The following LARP4B variants were observed in gnomAD, a reference collection of about 807,000 sequenced individuals.
LARP4B encodes the protein la-related protein 4B.
A neutral mutation model predicts 89.8 loss-of-function variants in LARP4B; 12 were observed. The observed-to-expected ratio is 0.13, with a 90% CI of 0.09 to 0.22. The LOEUF is 0.22. Among genes scored for constraint, LARP4B ranks in the 10% least tolerant of loss-of-function variants. The pLI is 1.00. For missense variants in LARP4B, 757 were observed against 947.7 expected (o/e 0.80, Z 2.64); for synonymous variants, 367 against 363.3 (o/e 1.01, Z -0.12).
rs140243543 is a variant in LARP4B at position 869,904 on chromosome 10, A to AAAT, written c.142-5637_142-5635dup. On this transcript the variant is annotated intron_variant, in intron 3 of 17. Transcript: ENST00000316157. ...AAAGTGAGACTCTGTCTCAAAAAAT[A>AAAT]AATAATAATAATAATAATAATAATA... 1,357 of 157,126 alleles carry AAAT rather than the reference A, an allele frequency of 8.6e-3. 9 individuals are homozygous for AAAT. Among genetic ancestry groups the AAAT allele is most frequent in the East Asian group, 0.022 (108 of 4,870 alleles). 9.7% of individuals were successfully genotyped at this position (157,126 alleles called of 1,614,324 possible).
intron 3 of LARP4B, among the ~76,000 whole-genome samples, chr10:881,050 T>G (rs2131915967): frequency 6.6e-6 from 1 of 152,226 alleles, no homozygotes; most frequent in South Asian, 2.1e-4. Flanking sequence ...AGTCCCTGAG[T>G]GGGCTTCAGG....
At chr10:921,239 C>T (rs1164884158) in intron 1 of LARP4B, among the ~76,000 whole-genome samples, 10 of 151,716 alleles carry the variant, frequency 6.6e-5, no homozygotes, top group Non-Finnish European at 7.4e-5. Flanking sequence ...CACCATTGCA[C>T]TCCAGCCTGG....
At chr10:908,410 G>A (rs1291631700) in intron 1 of LARP4B, among the ~76,000 whole-genome samples, 1 of 152,216 alleles carries the variant, frequency 6.6e-6, no homozygotes, top group Admixed American at 6.5e-5. Context: ...TTACTTGTGT[G>A]AGTCTGTCAA....
intron 17 of LARP4B, 67 bp from the exon 18 acceptor site, chr10:813,280 G>T: frequency 1.4e-6 from 2 of 1,448,536 alleles, no homozygotes; most frequent in South Asian, 2.9e-5. Flanking sequence ...AGGAAATCAA[G>T]TTCACTTAAG....
At position 822,370 on chromosome 10, in the gene LARP4B, G is replaced by A. The variant is rs552419093; in HGVS notation, c.1485-1525C>T. Among the ~76,000 whole-genome samples, 5 of 152,200 alleles carry A rather than the reference G, an allele frequency of 3.3e-5. No individual in the cohort carries two copies. The highest frequency in any genetic ancestry group is 4.8e-5 in the African/African-American group (2 of 41,448). On this transcript the variant is annotated intron_variant, in intron 13 of 17. Transcript: ENST00000316157. This position sits in a 1 kb window ranked among gnomAD's most constrained non-coding sequence, Gnocchi z 4.6. ...AGGGCTCGGCACAGGGCATCCCTCC[G>A]CCAAGGGCAGCCTGCTCGTCACTAC...
chr10:811,283 G>A lies in LARP4B; in HGVS notation c.*1643C>T, dbSNP rs1444532478. 1 of 152,548 alleles carries A rather than the reference G, an allele frequency of 6.6e-6. No individual in the cohort carries two copies. The highest frequency in any genetic ancestry group is 1.5e-5 in the Non-Finnish European group (1 of 68,022). The allele number at this position is 152,548 out of a possible 1,614,324, so 9.4% of individuals were successfully genotyped here. A position where few individuals can be genotyped will look rare whatever the true frequency, so the allele number is the denominator to read the frequency against. On this transcript the variant is annotated 3_prime_UTR_variant, in exon 18 of 18. Transcript: ENST00000316157. The stretch of plus-strand genomic sequence containing the variant: ...AACATTTATAATATATCAATAATCT[G>A]TATCAGAATTTTCTCTGTAGGGTAC...
chr10:880,172 G>A (rs942426692), intron 3 of LARP4B, among the ~76,000 whole-genome samples: 6 of 152,098 alleles, frequency 3.9e-5, no homozygotes, highest in African/African-American at 9.7e-5. Flanking sequence ...TGTCACTTGC[G>A]TACAAATACA....
chr10:908,406 G>T (rs1457216672), intron 1 of LARP4B, among the ~76,000 whole-genome samples: 1 of 152,162 alleles, frequency 6.6e-6, no homozygotes, highest in Non-Finnish European at 1.5e-5. Context: ...TTCCTTACTT[G>T]TGTGAGTCTG....
chr10:873,787 T>C (rs1031236519), intron 3 of LARP4B, among the ~76,000 whole-genome samples: 1 of 152,220 alleles, frequency 6.6e-6, no homozygotes, highest in Non-Finnish European at 1.5e-5. Context: ...AATGGAATGA[T>C]GTCAGTTAGA....
At chr10:809,117 C>T (rs900057758), downstream of LARP4B, 1 of 152,204 alleles carries the variant, frequency 6.6e-6, no homozygotes, top group Non-Finnish European at 1.5e-5. Context: ...ACAGGAGGGG[C>T]CCCGCCTCCC....
intron 3 of LARP4B, among the ~76,000 whole-genome samples, chr10:875,444 C>G (rs184331084): frequency 6.6e-6 from 1 of 152,196 alleles, no homozygotes; most frequent in Non-Finnish European, 1.5e-5. Flanking sequence ...CCTCTTCTAT[C>G]TCATACTAAC....
chr10:897,842 G>C (rs1836231479), intron 1 of LARP4B, among the ~76,000 whole-genome samples: 1 of 151,858 alleles, frequency 6.6e-6, no homozygotes, highest in Non-Finnish European at 1.5e-5. Context: ...GCAAAAGTTA[G>C]GCAGGCATGG....
chr10:968,256 A>G, the LARP4B span, among the ~76,000 whole-genome samples: 1 of 152,204 alleles, frequency 6.6e-6, no homozygotes, highest in Non-Finnish European at 1.5e-5. Context: ...CGTTGAGCTG[A>G]TAAAAAGGCT....
At chr10:934,188 T>G (rs1830719550), upstream of LARP4B, among the ~76,000 whole-genome samples, 1 of 152,000 alleles carries the variant, frequency 6.6e-6, no homozygotes, top group African/African-American at 2.4e-5. Context: ...GACATCTATG[T>G]CTTACCTATT....
At position 923,377 on chromosome 10, in the gene LARP4B, T is replaced by A. The variant is rs571831929; in HGVS notation, c.-40+8051A>T. ...GGTCTGAATCCTACCAATTACCGCA[T>A]CTTTTCCTTTGCAAACGTGATTTAC... On this transcript the variant is annotated intron_variant, in intron 1 of 17. Coordinates refer to ENST00000316157, the MANE Select transcript of LARP4B (RefSeq NM_015155.3). 2.5e-4 allele frequency among the ~76,000 whole-genome samples: 38 copies of A among 152,218 alleles called. 1 individual carries two copies. The South Asian group carries it at 7.9e-3, about 32-fold the overall frequency.
At chr10:937,538 C>T in the LARP4B span, among the ~76,000 whole-genome samples, 1 of 152,098 alleles carries the variant, frequency 6.6e-6, no homozygotes, top group Non-Finnish European at 1.5e-5. Context: ...TGTTAGACCC[C>T]ATCTGAATCA....
At chr10:923,923 G>A (rs1837060610) in intron 1 of LARP4B, among the ~76,000 whole-genome samples, 1 of 152,136 alleles carries the variant, frequency 6.6e-6, no homozygotes, top group South Asian at 2.1e-4. Context: ...GCAAATATTA[G>A]CAAATTTAAG....
chr10:821,039 A>G (rs2131619248), intron 13 of LARP4B, 194 bp from the exon 14 acceptor site: 1 of 585,782 alleles, frequency 1.7e-6, no homozygotes, highest in East Asian at 2.9e-5. Context: ...GTTGACAGCA[A>G]GGGACTAACG....
Position 863,946 on chromosome 10 carries a change from G to A in LARP4B, c.290-63C>T. ...AAGCATAACTTTCTCTTAAAACAAA[G>A]CTTACACTTGCAGTGACTCAACTTC... On this transcript the variant is annotated intron_variant, in intron 4 of 17. Coordinates refer to ENST00000316157, the MANE Select transcript of LARP4B (RefSeq NM_015155.3). 4 of 1,573,324 alleles carry A rather than the reference G, an allele frequency of 2.5e-6. 1 individual carries two copies. In the South Asian group the frequency reaches 4.8e-5, roughly 19 times the overall value.
Sources: gnomAD v4.1 joint callset for allele counts (sites outside exome capture counted in the v4.1 genomes callset) on GRCh38, gnomAD v4.1.1 for gene constraint, Gnocchi (gnomAD v3.1) non-coding constraint, MANE v1.5 for transcripts, NCBI Gene and HGNC (gene_info 2026-07-23, HGNC 2026-07-21) for gene names.